The following STXBP6 variants were observed in gnomAD, a reference collection of about 807,000 sequenced individuals.
STXBP6 encodes syntaxin binding protein 6, also known as syntaxin-binding protein 6.
Under a neutral mutation model 26.9 loss-of-function variants are expected in STXBP6, and 21 were observed. The ratio of observed to expected loss-of-function variants is 0.78; its 90% CI spans 0.55 to 1.12. The LOEUF is 1.12. Ranked by LOEUF, STXBP6 falls within the 50% of genes most tolerant of loss-of-function variation. The pLI is 0.00. For missense variants in STXBP6, 232 were observed against 257.9 expected (o/e 0.90, Z 0.69); for synonymous variants, 97 against 92.6 (o/e 1.05, Z -0.27).
At chr14:24,973,777 A>G (rs1014690132) in intron 2 of STXBP6, among the ~76,000 whole-genome samples, 16 of 152,218 alleles carry the variant, frequency 1.1e-4, no homozygotes, top group African/African-American at 3.4e-4. Flanking sequence ...CTTTCTGGTA[A>G]AAAGTTACTT....
intron 1 of STXBP6, among the ~76,000 whole-genome samples, chr14:25,020,920 G>A (rs1186768934): frequency 6.6e-6 from 1 of 152,104 alleles, no homozygotes; most frequent in East Asian, 1.9e-4. Flanking sequence ...TGTGCACCTG[G>A]ACACTGGAGA....
chr14:24,883,084 T>C (rs879368363), intron 2 of STXBP6, among the ~76,000 whole-genome samples: 27 of 152,222 alleles, frequency 1.8e-4, no homozygotes, highest in Non-Finnish European at 2.9e-4. Flanking sequence ...TATAATGCTA[T>C]AAAATATTTA....
At chr14:25,038,072 C>T (rs1206365588) in intron 1 of STXBP6, among the ~76,000 whole-genome samples, 1 of 151,806 alleles carries the variant, frequency 6.6e-6, no homozygotes, top group African/African-American at 2.4e-5. Context: ...AATACGAACA[C>T]ACACACACAC....
intron 1 of STXBP6, among the ~76,000 whole-genome samples, chr14:25,041,920 A>C (rs139225876): frequency 3.0e-4 from 45 of 152,364 alleles, no homozygotes; most frequent in African/African-American, 1.0e-3. Context: ...TCCATGCAAG[A>C]GTCAAACAAG....
At chr14:24,960,909 C>G (rs2073514242) in intron 2 of STXBP6, among the ~76,000 whole-genome samples, 1 of 152,200 alleles carries the variant, frequency 6.6e-6, no homozygotes, top group Admixed American at 6.5e-5. Context: ...CAACCAAAGT[C>G]AAAAATTAAA....
At chr14:24,966,988 AG>A (rs2073754403) in intron 2 of STXBP6, among the ~76,000 whole-genome samples, 4 of 152,218 alleles carry the variant, frequency 2.6e-5, no homozygotes, top group Admixed American at 2.6e-4. Flanking sequence ...GGGTAAGAAA[AG>A]GCGTTTGGTT....
chr14:24,947,556 G>A (rs1333234651), intron 2 of STXBP6, among the ~76,000 whole-genome samples: 2 of 152,134 alleles, frequency 1.3e-5, no homozygotes, highest in Non-Finnish European at 2.9e-5. Flanking sequence ...TATCATTCAC[G>A]CATCAGTTAC....
intron 4 of STXBP6, among the ~76,000 whole-genome samples, chr14:24,844,589 T>C (rs932194898): frequency 6.6e-6 from 1 of 152,140 alleles, no homozygotes; most frequent in African/African-American, 2.4e-5. Flanking sequence ...TTACTTGGTG[T>C]GGAAAACCCA....
intron 2 of STXBP6, among the ~76,000 whole-genome samples, chr14:24,870,364 T>C (rs1288074955): frequency 1.3e-5 from 2 of 152,160 alleles, no homozygotes; most frequent in African/African-American, 2.4e-5. Context: ...AAACTAAAGT[T>C]CTGTTCAGCC....
chr14:24,954,663 T>A (rs982550571), intron 2 of STXBP6, among the ~76,000 whole-genome samples: 1 of 152,150 alleles, frequency 6.6e-6, no homozygotes, highest in African/African-American at 2.4e-5. Context: ...GGCATCCGGA[T>A]CCCACTGTGA....
At chr14:24,996,075 C>T (rs1408941995) in intron 1 of STXBP6, among the ~76,000 whole-genome samples, 1 of 152,090 alleles carries the variant, frequency 6.6e-6, no homozygotes, top group East Asian at 1.9e-4. Context: ...CCCCTCCCCA[C>T]CCCAAGTAGT....
chr14:24,926,590 C>T (rs2072179825), intron 2 of STXBP6, among the ~76,000 whole-genome samples: 1 of 152,020 alleles, frequency 6.6e-6, no homozygotes, highest in Non-Finnish European at 1.5e-5. Flanking sequence ...GATTTGTATC[C>T]ATAGCTGGAG....
At chr14:25,029,022 G>A (rs977943182) in intron 1 of STXBP6, among the ~76,000 whole-genome samples, 1 of 152,146 alleles carries the variant, frequency 6.6e-6, no homozygotes, top group African/African-American at 2.4e-5. Flanking sequence ...GCTTCTTATG[G>A]ATGAGCAGAG....
At chr14:25,018,956 C>T (rs936897582) in intron 1 of STXBP6, among the ~76,000 whole-genome samples, 3 of 152,280 alleles carry the variant, frequency 2.0e-5, no homozygotes, top group East Asian at 1.9e-4. Flanking sequence ...GGCTCCTTGG[C>T]TGCAATTTAA....
At chr14:24,961,498 A>T (rs542749728) in intron 2 of STXBP6, among the ~76,000 whole-genome samples, 1 of 152,286 alleles carries the variant, frequency 6.6e-6, no homozygotes, top group African/African-American at 2.4e-5. Context: ...ATAGAAAAGA[A>T]TGAACATGGA....
intron 2 of STXBP6, among the ~76,000 whole-genome samples, chr14:24,964,596 G>A (rs929097051): frequency 6.6e-6 from 1 of 151,580 alleles, no homozygotes; most frequent in Non-Finnish European, 1.5e-5. Context: ...CCATTTTATA[G>A]ATGAGAAAAC....
chr14:24,951,311 C>T (rs1163400815), intron 2 of STXBP6, among the ~76,000 whole-genome samples: 2 of 152,164 alleles, frequency 1.3e-5, no homozygotes, highest in Non-Finnish European at 2.9e-5. Context: ...TAAGGAATTG[C>T]CACACTGTCT....
intron 1 of STXBP6, among the ~76,000 whole-genome samples, chr14:24,989,906 G>C (rs1377940904): frequency 6.6e-6 from 1 of 152,174 alleles, no homozygotes; most frequent in African/African-American, 2.4e-5. Flanking sequence ...CATGTACTGT[G>C]GTTACATGTG....
Position 24,811,520 on chromosome 14 carries a change from G to A in STXBP6, c.*1189C>T, listed in dbSNP as rs1433557516. On this transcript the variant is annotated 3_prime_UTR_variant, in exon 6 of 6. Transcript: ENST00000323944. The stretch of plus-strand genomic sequence containing the variant: ...TAGACCCTAAGCCCCTTATTATCTT[G>A]AGTAATAGAAAATCACGAGGTGTGT... The A allele has an allele frequency of 2.0e-5, 3 of 152,044 alleles. No individual in the cohort carries two copies. Among genetic ancestry groups the A allele is most frequent in the Non-Finnish European group, 2.9e-5 (2 of 67,998 alleles). The allele number at this position is 152,044 out of a possible 1,614,324, so 9.4% of individuals were successfully genotyped here.
Sources: allele counts gnomAD v4.1 joint callset (sites outside exome capture counted in the v4.1 genomes callset), GRCh38; gene constraint gnomAD v4.1.1; transcripts MANE v1.5; gene names NCBI Gene and HGNC (gene_info 2026-07-23, HGNC 2026-07-21).